Variants in UGT2B15 observed in about 807,000 individuals in gnomAD.
UGT2B15 encodes UDP glucuronosyltransferase family 2 member B15.
UGT2B15 carries 36 observed loss-of-function variants against 45.9 expected under a neutral mutation model. That is an observed-to-expected ratio of 0.78 (90% CI 0.60 to 1.04). The LOEUF (loss-of-function observed/expected upper bound fraction) is 1.04, where lower values mean the gene tolerates loss of function less well. Among genes scored for constraint, UGT2B15 ranks in the 50% least tolerant of loss-of-function variants. The pLI is 0.00. For synonymous variants in UGT2B15, 219 were observed against 216.4 expected, an observed-to-expected ratio of 1.01 and a Z score of -0.11; for missense variants, 617 against 622.4, an observed-to-expected ratio of 0.99 and a Z score of 0.09.
At chr4:68,660,371 A>G (rs1282335773) in intron 3 of UGT2B15, among the ~76,000 whole-genome samples, 1 of 151,862 alleles carries the variant, frequency 6.6e-6, no homozygotes, top group Non-Finnish European at 1.5e-5. Flanking sequence ...AGAGGAGAGG[A>G]ATTCACCCAA....
intron 3 of UGT2B15, among the ~76,000 whole-genome samples, chr4:68,660,356 C>T (rs1732927716): frequency 6.6e-6 from 1 of 151,616 alleles, no homozygotes. Flanking sequence ...TATTTTGGAA[C>T]CCCAAGAGGA....
At chr4:68,656,981 AT>A (rs1194833852) in intron 3 of UGT2B15, among the ~76,000 whole-genome samples, 66 of 151,716 alleles carry the variant, frequency 4.4e-4, no homozygotes, top group Non-Finnish European at 2.4e-4. Context: ...GACTGTTGCT[AT>A]TTTTTTCCTC....
rs1262249565 is a variant in UGT2B15 at position 68,667,972 on chromosome 4, G to A, written c.873+68C>T. ...CCCCTCACTCTGAGTTAAACACTCT[G>A]AAAGAAACATATCCAGCCATTCCTT... is the stretch of plus-strand genomic sequence containing the variant. On this transcript the variant is annotated intron_variant, in intron 2 of 5. Coordinates refer to ENST00000338206, the MANE Select transcript of UGT2B15 (RefSeq NM_001076.4). 1.3e-5 allele frequency: 21 copies of A among 1,581,116 alleles called. No individual in the cohort carries two copies. The Admixed American group carries it at 3.8e-4, about 28-fold the overall frequency.
At chr4:68,649,356 G>A (rs1484009288) in intron 5 of UGT2B15, among the ~76,000 whole-genome samples, 7 of 134,580 alleles carry the variant, frequency 5.2e-5, no homozygotes, top group African/African-American at 1.7e-4. Context: ...TTGGCTGACT[G>A]CAATTTGCAT....
intron 4 of UGT2B15, among the ~76,000 whole-genome samples, chr4:68,654,530 C>A (rs964869424): frequency 3.0e-4 from 45 of 151,452 alleles, no homozygotes; most frequent in African/African-American, 6.8e-4. Flanking sequence ...AATGAGGTCA[C>A]ATTTACATAT....
Position 68,668,170 on chromosome 4 carries a change from A to G in UGT2B15, c.743T>C (p.Phe248Ser), listed in dbSNP as rs777538049. 1 of 1,612,600 alleles carries G rather than the reference A, an allele frequency of 6.2e-7. No individual in the cohort carries two copies. The highest frequency in any genetic ancestry group is 8.5e-7 in the Non-Finnish European group (1 of 1,179,230). ...CATTTCAGCTTTCCCCATTGTCTCA[A>G]ATAATGTAGTGGGTCTTCCTGATGG... ...SEVLGRPTTL[F>S]ETMGKAEMWL... The change falls in exon 2 of 6, where the codon TTT becomes TCT. Residue 248 changes from phenylalanine to serine, a missense_variant. Coordinates refer to ENST00000338206, the MANE Select transcript of UGT2B15 (RefSeq NM_001076.4).
chr4:68,648,904 C>T (rs902605814), intron 5 of UGT2B15, among the ~76,000 whole-genome samples: 1 of 151,980 alleles, frequency 6.6e-6, no homozygotes, highest in Non-Finnish European at 1.5e-5. Context: ...ATGATCTCTT[C>T]ATTTTGTGAT....
chr4:68,666,888 A>C (rs1733141534), intron 2 of UGT2B15, among the ~76,000 whole-genome samples: 1 of 151,434 alleles, frequency 6.6e-6, no homozygotes, highest in South Asian at 2.1e-4. Context: ...CTGCTATTAC[A>C]GTCACCTGCC....
chr4:68,654,633 C>A (rs1732751608), intron 4 of UGT2B15, among the ~76,000 whole-genome samples: 1 of 151,580 alleles, frequency 6.6e-6, no homozygotes, highest in Non-Finnish European at 1.5e-5. Flanking sequence ...TGAGGAAGGA[C>A]CGGTTATGCA....
chr4:68,664,029 C>T (rs189777605), intron 2 of UGT2B15, among the ~76,000 whole-genome samples: 25 of 152,160 alleles, frequency 1.6e-4, no homozygotes, highest in Admixed American at 2.6e-4. Context: ...CTCATCATCA[C>T]TTTGCTGTGT....
At chr4:68,667,533 T>C (rs1733176891) in intron 2 of UGT2B15, among the ~76,000 whole-genome samples, 1 of 152,088 alleles carries the variant, frequency 6.6e-6, no homozygotes. Flanking sequence ...TCTCTGCACA[T>C]TATTGAGTAC....
chr4:68,670,279 G>T lies in UGT2B15; in HGVS notation c.340C>A (p.Gln114Lys). Reference sequence around the variant, plus strand: ...TCATAATATTCCCAACACAATTCTTGTAATTGTGAAAAATATGACCAAAAT... The same window carrying T: ...TCATAATATTCCCAACACAATTCTTTTAATTGTGAAAAATATGACCAAAAT... ...NTFWSYFSQL[Q>K]ELCWEYYDYS... Residue 114 changes from glutamine to lysine, a missense_variant, in exon 1 of 6, where the codon CAA becomes AAA. Physicochemically the swap from Gln to Lys is moderately conservative, Grantham distance 53. This residue lies in a region of UGT2B15 where 351 missense variants were observed against 342.1 expected (regional missense o/e 1.03). Transcript: ENST00000338206. 6.2e-7 allele frequency: 1 copy of T among 1,613,974 alleles called. No individual in the cohort carries two copies. Among genetic ancestry groups the T allele is most frequent in the Non-Finnish European group, 8.5e-7 (1 of 1,179,960 alleles).
chr4:68,655,434 A>C (rs1732776345), intron 3 of UGT2B15, among the ~76,000 whole-genome samples: 1 of 152,112 alleles, frequency 6.6e-6, no homozygotes, highest in Non-Finnish European at 1.5e-5. Flanking sequence ...AGCTAGACAC[A>C]TGAGATTGTG....
Position 68,647,064 on chromosome 4 carries a change from T to C in UGT2B15, c.*40A>G. On this transcript the variant is annotated 3_prime_UTR_variant, in exon 6 of 6. Coordinates refer to ENST00000338206, the MANE Select transcript of UGT2B15 (RefSeq NM_001076.4). Reference sequence around the variant, plus strand: ...CCTCCATGCTGAAATAAAGGAGGAGTCCCATCTTTCAGTCATTCCACTTCA... The same window carrying C: ...CCTCCATGCTGAAATAAAGGAGGAGCCCCATCTTTCAGTCATTCCACTTCA... The C allele has an allele frequency of 6.3e-7, 1 of 1,575,518 alleles. No homozygotes were observed. The highest frequency in any genetic ancestry group is 1.4e-5 in the African/African-American group (1 of 73,726).
chr4:68,669,748 A>G (rs574342070), intron 1 of UGT2B15, 147 bp downstream of exon 1: 2 of 1,222,370 alleles, frequency 1.6e-6, no homozygotes, highest in Admixed American at 2.4e-5. Flanking sequence ...ATTCTATAAT[A>G]TTTTTGAGAC....
intron 5 of UGT2B15, among the ~76,000 whole-genome samples, chr4:68,651,609 A>G (rs953796212): frequency 1.3e-5 from 2 of 151,920 alleles, no homozygotes; most frequent in Non-Finnish European, 2.9e-5. Flanking sequence ...CAGTTTTTCC[A>G]AAACATTTCT....
In UGT2B15 at chr4:68,647,276, G is replaced by A. The variant is rs1732508324; in HGVS notation, c.1421C>T (p.Ala474Val). The A allele has an allele frequency of 1.2e-6, 2 of 1,613,958 alleles. No individual in the cohort carries two copies. The highest frequency in any genetic ancestry group is 4.5e-5 in the East Asian group (2 of 44,874). ...GTGAGCTGCGACTCGAAGGTGCTTG[G>A]CTCCTTTGTGGCGCATGACAAACTC... ...WIEFVMRHKG[A>V]KHLRVAAHNL... The change falls in exon 6 of 6, where the codon GCC (alanine) becomes GTC (valine). Residue 474 changes from alanine (A) to valine (V), a missense_variant. Physicochemically the swap from Ala to Val is moderately conservative, Grantham distance 64. This residue lies in a region of UGT2B15 where 265 missense variants were observed against 245.1 expected (regional missense o/e 1.08). Transcript: ENST00000338206.
chr4:68,662,900 A>C, intron 3 of UGT2B15, 108 bp downstream of exon 3: 1 of 931,542 alleles, frequency 1.1e-6, no homozygotes, highest in African/African-American at 1.8e-5. Context: ...AGATAATTAG[A>C]ACTATCATAG....
intron 3 of UGT2B15, among the ~76,000 whole-genome samples, chr4:68,662,216 G>A (rs749889148): frequency 6.6e-6 from 1 of 151,960 alleles, no homozygotes; most frequent in Non-Finnish European, 1.5e-5. Context: ...TATATTTTCT[G>A]CTCCTTCCTC....
Sources: gnomAD v4.1 joint callset for allele counts (sites outside exome capture counted in the v4.1 genomes callset) on GRCh38, gnomAD v4.1.1 for gene constraint, gnomAD v4.1.1 regional missense constraint, MANE v1.5 for transcripts, NCBI Gene and HGNC (gene_info 2026-07-23, HGNC 2026-07-21) for gene names.